The following SH3D19 variants were observed in gnomAD, a reference collection of about 807,000 sequenced individuals.
The protein encoded by SH3D19 is SH3 domain-containing protein 19.
In SH3D19, 58 loss-of-function variants were observed where a neutral mutation model predicts 112.1. That is an observed-to-expected ratio of 0.52 (90% CI 0.42 to 0.64). The LOEUF is 0.64. Among genes scored for constraint, SH3D19 ranks in the 30% least tolerant of loss-of-function variants. The probability of loss-of-function intolerance (pLI) is 0.00; values close to 1 mark genes in which losing one functional copy is unlikely to be tolerated. For missense variants in SH3D19, 1,090 were observed against 1,263.4 expected, an observed-to-expected ratio of 0.86 and a Z score of 2.08; for synonymous variants, 391 against 448.5, an observed-to-expected ratio of 0.87 and a Z score of 1.62.
intron 1 of SH3D19, among the ~76,000 whole-genome samples, chr4:151,287,569 A>C (rs1199212069): frequency 6.6e-6 from 1 of 152,064 alleles, no homozygotes. Flanking sequence ...GCTGACCTCA[A>C]AATCCAAACT....
At chr4:151,306,751 G>A (rs1001631606) in intron 1 of SH3D19, among the ~76,000 whole-genome samples, 3 of 152,192 alleles carry the variant, frequency 2.0e-5, no homozygotes, top group Non-Finnish European at 4.4e-5. Context: ...CAAACGCGCT[G>A]TAATTAAGGT....
chr4:151,272,654 A>G (rs1213437579), intron 1 of SH3D19, among the ~76,000 whole-genome samples: 2 of 152,124 alleles, frequency 1.3e-5, no homozygotes, highest in African/African-American at 4.8e-5. Context: ...AAAATGTCCT[A>G]CATTCTGGAT....
intron 2 of SH3D19, among the ~76,000 whole-genome samples, chr4:151,203,719 C>T (rs1764716868): frequency 6.6e-6 from 1 of 152,140 alleles, no homozygotes; most frequent in African/African-American, 2.4e-5. Context: ...AGACTTTGTA[C>T]TTGTATTCCC....
chr4:151,195,371 C>CAAAAAAAAAAAAAAAA (rs58618820), intron 2 of SH3D19, among the ~76,000 whole-genome samples: 6 of 66,772 alleles, frequency 9.0e-5, no homozygotes, highest in Non-Finnish European at 9.7e-5. Flanking sequence ...GACTCTGTCT[C>CAAAAAAAAAAAAAAAA]AAAAAAAAAA....
chr4:151,240,165 G>A (rs1483637463), intron 1 of SH3D19, among the ~76,000 whole-genome samples: 14 of 152,168 alleles, frequency 9.2e-5, no homozygotes, highest in Non-Finnish European at 1.5e-5. Context: ...AGCTACTTGG[G>A]AGGCTGAGGT....
intron 1 of SH3D19, among the ~76,000 whole-genome samples, chr4:151,313,480 A>G (rs1729688312): frequency 6.6e-6 from 1 of 151,990 alleles, no homozygotes; most frequent in African/African-American, 2.4e-5. Flanking sequence ...GCAGTGGTGC[A>G]ATCATGACTC....
chr4:151,190,207 G>A (rs780306343), intron 2 of SH3D19, among the ~76,000 whole-genome samples: 1 of 152,166 alleles, frequency 6.6e-6, no homozygotes, highest in African/African-American at 2.4e-5. Flanking sequence ...AAGTCACTTG[G>A]GTTCTTTTAA....
intron 8 of SH3D19, among the ~76,000 whole-genome samples, chr4:151,164,303 A>G (rs1432999040): frequency 1.3e-5 from 2 of 152,144 alleles, no homozygotes; most frequent in African/African-American, 2.4e-5. Flanking sequence ...CCCGCAGAGA[A>G]AGCTGTGTGA....
At chr4:151,158,413 C>T (rs1166858642) in intron 9 of SH3D19, among the ~76,000 whole-genome samples, 1 of 152,114 alleles carries the variant, frequency 6.6e-6, no homozygotes, top group Non-Finnish European at 1.5e-5. Context: ...GATTCTCCTG[C>T]TTCAGCCTCT....
intron 2 of SH3D19, among the ~76,000 whole-genome samples, chr4:151,223,003 CTTTTT>C (rs33925824): frequency 8.6e-5 from 10 of 115,782 alleles, no homozygotes; most frequent in African/African-American, 2.2e-4. Context: ...TTCTCCCAGC[CTTTTT>C]TTTTTTTTTT....
At chr4:151,218,095 CAT>C (rs1161657919) in intron 2 of SH3D19, among the ~76,000 whole-genome samples, 12 of 152,214 alleles carry the variant, frequency 7.9e-5, no homozygotes, top group Admixed American at 3.9e-4. Context: ...GCAGATACCA[CAT>C]GTTTCTGTAC....
intron 1 of SH3D19, among the ~76,000 whole-genome samples, chr4:151,289,518 C>T (rs1432693807): frequency 6.6e-6 from 1 of 152,012 alleles, no homozygotes; most frequent in Non-Finnish European, 1.5e-5. Flanking sequence ...ACTTGTAACT[C>T]GATCATAAAA....
At chr4:151,296,526 A>C (rs1483832673) in intron 1 of SH3D19, among the ~76,000 whole-genome samples, 3 of 152,238 alleles carry the variant, frequency 2.0e-5, no homozygotes, top group African/African-American at 7.2e-5. Flanking sequence ...AAACATATGC[A>C]TTCACAAAAC....
rs77382939 is a variant in SH3D19, at chr4:151,166,803, G to C, written c.1535-1107C>G. Reference sequence around the variant, plus strand: ...AGCAGCTCTTTGCAGGATACGTGAAGGGCTGAGCTAAGAATAAAAGCCCTT... The same window carrying C: ...AGCAGCTCTTTGCAGGATACGTGAACGGCTGAGCTAAGAATAAAAGCCCTT... On this transcript the variant is annotated intron_variant, in intron 7 of 19. Coordinates refer to ENST00000604030, the MANE Select transcript of SH3D19 (RefSeq NM_001378122.1). 7.0e-3 allele frequency among the ~76,000 whole-genome samples: 1,072 copies of C among 152,248 alleles called. 11 individuals carry two copies. The highest frequency in any genetic ancestry group is 0.012 in the Non-Finnish European group (828 of 68,016).
intron 9 of SH3D19, among the ~76,000 whole-genome samples, chr4:151,155,921 C>T (rs1358414523): frequency 6.6e-6 from 1 of 151,912 alleles, no homozygotes. Flanking sequence ...CTAGAAAAAC[C>T]TAAAGACTCT....
In SH3D19 at chr4:151,290,039, T is replaced by C. The variant is rs185243149; in HGVS notation, c.112+35202A>G. Among the ~76,000 whole-genome samples, 43 of 152,286 alleles carry C rather than the reference T, an allele frequency of 2.8e-4. No individual in the cohort carries two copies. The East Asian group carries it at 4.6e-3, about 16-fold the overall frequency. ...GTAGGATCATAGTTCATTGTAAACATGGCTCAAGCAATACTTCTGCCTCAG... is the reference window on the plus strand; with the variant it reads ...GTAGGATCATAGTTCATTGTAAACACGGCTCAAGCAATACTTCTGCCTCAG... On this transcript the variant is annotated intron_variant, in intron 1 of 19. Transcript: ENST00000604030.
intron 2 of SH3D19, among the ~76,000 whole-genome samples, chr4:151,218,813 A>G (rs774477000): frequency 5.9e-4 from 90 of 152,292 alleles, no homozygotes; most frequent in Non-Finnish European, 1.1e-3. Context: ...GTGTTTTGCC[A>G]TGTGGTCCCT....
intron 1 of SH3D19, among the ~76,000 whole-genome samples, chr4:151,258,409 G>C (rs1347604555): frequency 6.6e-6 from 1 of 152,214 alleles, no homozygotes. Context: ...TCAGGGATCT[G>C]CCCTCCATTG....
intron 1 of SH3D19, among the ~76,000 whole-genome samples, chr4:151,319,179 G>A (rs770446963): frequency 1.1e-4 from 17 of 152,208 alleles, no homozygotes; most frequent in Non-Finnish European, 2.4e-4. Flanking sequence ...CTCCCGAGTA[G>A]CTGGGATTAC....
Sources: allele counts gnomAD v4.1 joint callset (sites outside exome capture counted in the v4.1 genomes callset), GRCh38; gene constraint gnomAD v4.1.1; transcripts MANE v1.5; gene names NCBI Gene and HGNC (gene_info 2026-07-23, HGNC 2026-07-21).